Variants in DNAJC11 observed in about 807,000 individuals in gnomAD.
The protein encoded by DNAJC11 is dnaJ homolog subfamily C member 11.
DNAJC11 carries 15 observed loss-of-function variants against 78.6 expected under a neutral mutation model. The observed-to-expected ratio is 0.19, with a 90% CI of 0.13 to 0.29. DNAJC11 has a LOEUF of 0.29. Among genes scored for constraint, DNAJC11 ranks in the 10% least tolerant of loss-of-function variants. The pLI, the probability that DNAJC11 is intolerant of heterozygous loss-of-function variation, is 1.00. For synonymous variants in DNAJC11, 292 were observed against 272.1 expected, an observed-to-expected ratio of 1.07 and a Z score of -0.72; for missense variants, 547 against 709.6, an observed-to-expected ratio of 0.77 and a Z score of 2.60.
intron 3 of DNAJC11, among the ~76,000 whole-genome samples, chr1:6,673,144 G>A (rs1221027118): frequency 1.4e-5 from 2 of 139,334 alleles, no homozygotes; most frequent in African/African-American, 5.2e-5. Flanking sequence ...TGCCGTGAAC[G>A]GAGATCGTGC....
rs1053542752 is a variant in DNAJC11, at chr1:6,634,768, G to T, written c.*907C>A. 7.5e-7 allele frequency: 1 copy of T among 1,328,594 alleles called. No homozygotes were observed. The highest frequency in any genetic ancestry group is 5.0e-5 in the East Asian group (1 of 20,134). 82.3% of individuals were successfully genotyped at this position (1,328,594 alleles called of 1,614,324 possible). A position where few individuals can be genotyped will look rare whatever the true frequency, so the allele number is the denominator to read the frequency against. On this transcript the variant is annotated 3_prime_UTR_variant, in exon 16 of 16. Transcript: ENST00000377577. ...TGAGGACGCTGGACCTGCAGGAGCG[G>T]GGAGCTGCAGTGCCACCTGCTGGGT...
chr1:6,698,849 G>T (rs1330873981), intron 1 of DNAJC11, among the ~76,000 whole-genome samples: 1 of 151,212 alleles, frequency 6.6e-6, no homozygotes, highest in Non-Finnish European at 1.5e-5. Context: ...GGCTGAGGTG[G>T]GAGGATCACC....
chr1:6,692,143 T>C (rs889240465), intron 1 of DNAJC11, among the ~76,000 whole-genome samples: 7 of 152,240 alleles, frequency 4.6e-5, no homozygotes, highest in Admixed American at 2.6e-4. Flanking sequence ...TTTTGGTAGA[T>C]AATGCAAAAT....
chr1:6,677,166 A>C (rs988948715), intron 3 of DNAJC11, among the ~76,000 whole-genome samples: 2 of 151,340 alleles, frequency 1.3e-5, no homozygotes, highest in East Asian at 1.9e-4. Context: ...CTCAAAAAAA[A>C]AAAAAAAACA....
At chr1:6,657,089 C>CAG (rs747539565) in intron 4 of DNAJC11, among the ~76,000 whole-genome samples, 1 of 152,114 alleles carries the variant, frequency 6.6e-6, no homozygotes, top group Non-Finnish European at 1.5e-5. Flanking sequence ...CACCCTTGTA[C>CAG]AGAGCCCTCT....
chr1:6,654,050 A>G lies in DNAJC11; in HGVS notation c.379-11T>C. On this transcript the variant is annotated splice_polypyrimidine_tract_variant and intron_variant, in intron 4 of 15. Transcript: ENST00000377577. ...AACGCTGATCGTTCCCTGGGGCAGAAAAACAAGCCGTCAGCAGAACGGGTG... is the reference window on the plus strand; with the variant it reads ...AACGCTGATCGTTCCCTGGGGCAGAGAAACAAGCCGTCAGCAGAACGGGTG... 1 of 1,611,630 alleles carries G rather than the reference A, an allele frequency of 6.2e-7. No homozygotes were observed. The highest frequency in any genetic ancestry group is 8.5e-7 in the Non-Finnish European group (1 of 1,178,066).
At chr1:6,676,688 A>AACAC (rs934208040) in intron 3 of DNAJC11, among the ~76,000 whole-genome samples, 2 of 151,644 alleles carry the variant, frequency 1.3e-5, no homozygotes, top group African/African-American at 4.8e-5. Context: ...CTCTCTCACA[A>AACAC]ACACACACAC....
intron 14 of DNAJC11, 90 bp from the exon 15 acceptor site, chr1:6,636,336 GCT>G (rs1373626885): frequency 6.6e-7 from 1 of 1,525,456 alleles, no homozygotes; most frequent in South Asian, 1.2e-5. Flanking sequence ...GTGTGCACAG[GCT>G]CTGACATTCC....
chr1:6,648,440 GC>G (rs753399956), intron 7 of DNAJC11, among the ~76,000 whole-genome samples: 1 of 152,168 alleles, frequency 6.6e-6, no homozygotes, highest in Non-Finnish European at 1.5e-5. Context: ...ACAGGCATGA[GC>G]CACCGCACCT....
intron 7 of DNAJC11, among the ~76,000 whole-genome samples, chr1:6,649,012 G>A (rs991971347): frequency 9.9e-5 from 15 of 151,894 alleles, no homozygotes; most frequent in African/African-American, 2.9e-4. Flanking sequence ...AATTTTTCTC[G>A]GTGGCAGTCT....
At chr1:6,692,677 C>CT (rs1642764568) in intron 1 of DNAJC11, among the ~76,000 whole-genome samples, 1 of 143,208 alleles carries the variant, frequency 7.0e-6, no homozygotes, top group African/African-American at 2.6e-5. Context: ...ATGGCACGAT[C>CT]TTGGCTCACT....
At chr1:6,698,257 A>G (rs1398750380) in intron 1 of DNAJC11, among the ~76,000 whole-genome samples, 1 of 152,050 alleles carries the variant, frequency 6.6e-6, no homozygotes, top group Non-Finnish European at 1.5e-5. Context: ...TCTCACAGCT[A>G]TACTTAAATG....
intron 1 of DNAJC11, among the ~76,000 whole-genome samples, chr1:6,697,625 G>C (rs1267267291): frequency 6.6e-6 from 1 of 152,086 alleles, no homozygotes; most frequent in African/African-American, 2.4e-5. Flanking sequence ...ACCTCCTGCT[G>C]TGCGGCCCAA....
At chr1:6,672,966 G>A (rs1399323609) in intron 3 of DNAJC11, among the ~76,000 whole-genome samples, 1 of 151,948 alleles carries the variant, frequency 6.6e-6, no homozygotes, top group Non-Finnish European at 1.5e-5. Flanking sequence ...GCGGCCAGGT[G>A]CAGGGGCTCA....
chr1:6,642,718 G>A (rs1308802338), intron 10 of DNAJC11, among the ~76,000 whole-genome samples: 2 of 152,158 alleles, frequency 1.3e-5, no homozygotes, highest in South Asian at 2.1e-4. Flanking sequence ...GAAAGACTTC[G>A]GGCAGAGCAG....
chr1:6,693,597 T>C (rs1642785746), intron 1 of DNAJC11, among the ~76,000 whole-genome samples: 1 of 152,014 alleles, frequency 6.6e-6, no homozygotes, highest in Non-Finnish European at 1.5e-5. Context: ...TTGGCCAGGC[T>C]GATCTCGAAC....
intron 10 of DNAJC11, among the ~76,000 whole-genome samples, chr1:6,641,406 T>TACACACACAC (rs70981395): frequency 2.4e-4 from 33 of 140,134 alleles, no homozygotes; most frequent in African/African-American, 8.4e-4. Flanking sequence ...TATATATATA[T>TACACACACAC]ACACACACAC....
At chr1:6,675,120 G>A (rs549037383) in intron 3 of DNAJC11, among the ~76,000 whole-genome samples, 2 of 152,304 alleles carry the variant, frequency 1.3e-5, no homozygotes, top group Admixed American at 6.5e-5. Flanking sequence ...CAGCTTCATA[G>A]AATGTGCTTG....
chr1:6,644,421 A>C (rs1641935027), intron 10 of DNAJC11, 137 bp downstream of exon 10: 2 of 718,946 alleles, frequency 2.8e-6, no homozygotes, highest in Non-Finnish European at 4.9e-6. Context: ...GGCATAAGCC[A>C]CTGCACCTAG....
Sources: gnomAD v4.1 joint callset for allele counts (sites outside exome capture counted in the v4.1 genomes callset) on GRCh38, gnomAD v4.1.1 for gene constraint, MANE v1.5 for transcripts, NCBI Gene and HGNC (gene_info 2026-07-23, HGNC 2026-07-21) for gene names.